Variants in NCAPD2 observed in about 807,000 individuals in gnomAD.
NCAPD2 encodes the protein non-SMC condensin I complex subunit D2, also known as condensin complex subunit 1.
NCAPD2 carries 100 observed loss-of-function variants against 164.5 expected under a neutral mutation model. The ratio of observed to expected loss-of-function variants is 0.61; its 90% CI spans 0.52 to 0.72. The LOEUF (loss-of-function observed/expected upper bound fraction) is 0.72. Among genes scored for constraint, NCAPD2 ranks in the 30% least tolerant of loss-of-function variants. NCAPD2 has a pLI of 0.00. For synonymous variants in NCAPD2, 585 were observed against 642.6 expected (o/e 0.91, Z 1.36); for missense variants, 1,560 against 1,749.2 (o/e 0.89, Z 1.93).
chr12:6,496,956 A>G (rs947794073), intron 2 of NCAPD2, among the ~76,000 whole-genome samples: 33 of 152,348 alleles, frequency 2.2e-4, no homozygotes, highest in African/African-American at 7.7e-4. Context: ...CAGCTGTATT[A>G]TATTTTTATG....
chr12:6,510,473 G>C (rs747704321), intron 4 of NCAPD2, 156 bp from the exon 5 acceptor site: 6 of 892,794 alleles, frequency 6.7e-6, no homozygotes, highest in African/African-American at 4.9e-5. Context: ...CAGGGTATCA[G>C]GGCCAAGGGT....
At chr12:6,515,938 TC>T (rs2137050729) in intron 9 of NCAPD2, among the ~76,000 whole-genome samples, 1 of 152,272 alleles carries the variant, frequency 6.6e-6, no homozygotes, top group East Asian at 1.9e-4. Flanking sequence ...ACGCCTGTAA[TC>T]CCAGCACTTT....
chr12:6,514,708 C>T (rs1433322097), intron 8 of NCAPD2, 65 bp from the exon 9 acceptor site: 2 of 1,606,458 alleles, frequency 1.2e-6, no homozygotes, highest in African/African-American at 1.3e-5. Flanking sequence ...CCTGTCTTAC[C>T]TTCCCTTACT....
intron 2 of NCAPD2, among the ~76,000 whole-genome samples, chr12:6,497,157 G>A (rs1945991712): frequency 6.6e-6 from 1 of 152,166 alleles, no homozygotes; most frequent in Non-Finnish European, 1.5e-5. Flanking sequence ...GTTGCCTAAT[G>A]GATGGCAAAC....
chr12:6,499,853 G>T (rs1455059438), intron 2 of NCAPD2, among the ~76,000 whole-genome samples: 2 of 152,134 alleles, frequency 1.3e-5, no homozygotes, highest in African/African-American at 4.8e-5. Flanking sequence ...AGGCGCAGTG[G>T]CTCACACCTG....
chr12:6,528,583 G>A lies in NCAPD2; in HGVS notation c.3300-96G>A. 7.2e-7 allele frequency: 1 copy of A among 1,391,294 alleles called. No individual in the cohort carries two copies. The highest frequency in any genetic ancestry group is 2.3e-5 in the East Asian group (1 of 43,452). 86.2% of individuals were successfully genotyped at this position (1,391,294 alleles called of 1,614,324 possible). A position where few individuals can be genotyped will look rare whatever the true frequency, so the allele number is the denominator to read the frequency against. On this transcript the variant is annotated intron_variant, in intron 25 of 31. Coordinates refer to ENST00000315579, the MANE Select transcript of NCAPD2 (RefSeq NM_014865.4). This position sits in a 1 kb window ranked among gnomAD's most constrained non-coding sequence, Gnocchi z 5.1. The stretch of plus-strand genomic sequence containing the variant: ...TTCTGACTGCTTCTGGAGTGGCAGA[G>A]CATGGGATAATTGATTCCTGCTGAG...
At chr12:6,524,665 A>AG (rs1274031983) in intron 17 of NCAPD2, among the ~76,000 whole-genome samples, 1 of 151,750 alleles carries the variant, frequency 6.6e-6, no homozygotes, top group Non-Finnish European at 1.5e-5. Flanking sequence ...AAAAAAAAAA[A>AG]AAAAAATCTG....
chr12:6,505,232 A>G (rs995863383), intron 2 of NCAPD2, among the ~76,000 whole-genome samples: 7 of 152,000 alleles, frequency 4.6e-5, no homozygotes, highest in Non-Finnish European at 5.9e-5. Flanking sequence ...ATGCCTGGCT[A>G]ATTTTGTATC....
chr12:6,513,411 G>T (rs1259147460), intron 6 of NCAPD2, among the ~76,000 whole-genome samples: 1 of 151,932 alleles, frequency 6.6e-6, no homozygotes, highest in Admixed American at 6.6e-5. Context: ...CATGGTGGAG[G>T]CTGAGGTGGG....
chr12:6,523,864 T>C (rs1317133171), intron 17 of NCAPD2, among the ~76,000 whole-genome samples: 1 of 152,206 alleles, frequency 6.6e-6, no homozygotes. Context: ...GATAATAAAG[T>C]GCCAGAATGA....
At chr12:6,500,521 A>G (rs555080473) in intron 2 of NCAPD2, among the ~76,000 whole-genome samples, 61 of 152,344 alleles carry the variant, frequency 4.0e-4, no homozygotes, top group Admixed American at 1.1e-3. Flanking sequence ...GGTACAGATT[A>G]TTCTAGAATC....
intron 3 of NCAPD2, 35 bp from the exon 4 acceptor site, chr12:6,510,040 T>C (rs574065617): frequency 5.6e-6 from 9 of 1,601,988 alleles, no homozygotes; most frequent in Admixed American, 1.7e-5. Flanking sequence ...GCAGGCTCCT[T>C]CCTGTCTCAC....
Position 6,529,935 on chromosome 12 carries a change from C to T in NCAPD2, c.3814C>T (p.Arg1272Cys), listed in dbSNP as rs765878757. 4.3e-6 allele frequency: 7 copies of T among 1,613,826 alleles called. No homozygotes were observed. The highest frequency in any genetic ancestry group is 1.7e-4 in the Middle Eastern group (1 of 6,060). Reference protein sequence around the residue: ...AFLSVVGKLRRGAKPEGKAII... With the variant: ...AFLSVVGKLRCGAKPEGKAII... ...TTTGTCAGTTGTAGGCAAGCTGCGA[C>T]GTGGGGCCAAGCCTGAGGGCAAGGT... The change falls in exon 29 of 32, where the codon CGT becomes TGT. Residue 1272 changes from arginine (R) to cysteine (C), a missense_variant. Transcript: ENST00000315579.
chr12:6,498,297 C>T (rs1946002945), intron 2 of NCAPD2, among the ~76,000 whole-genome samples: 1 of 152,152 alleles, frequency 6.6e-6, no homozygotes, highest in Admixed American at 6.5e-5. Flanking sequence ...AAGATCAAAT[C>T]ATTTAATTCA....
At chr12:6,508,101 C>G (rs1409479683) in intron 2 of NCAPD2, among the ~76,000 whole-genome samples, 1 of 152,116 alleles carries the variant, frequency 6.6e-6, no homozygotes, top group East Asian at 1.9e-4. Context: ...GAGGCCGAGG[C>G]AGGTGGATCA....
chr12:6,531,554 C>T lies in NCAPD2; in HGVS notation c.*142C>T. 2 of 1,502,638 alleles carry T rather than the reference C, an allele frequency of 1.3e-6. No individual in the cohort carries two copies. The highest frequency in any genetic ancestry group is 1.8e-6 in the Non-Finnish European group (2 of 1,125,210). The allele number at this position is 1,502,638 out of a possible 1,614,324, so 93.1% of individuals were successfully genotyped here. ...GGCACTGTGGCTCACGCCTGTAATC[C>T]CAGCACTTTGCGATACCAAGGCGGG... On this transcript the variant is annotated 3_prime_UTR_variant, in exon 32 of 32. Coordinates refer to ENST00000315579, the MANE Select transcript of NCAPD2 (RefSeq NM_014865.4). The surrounding 1 kb of genome is among the most constrained non-coding windows in gnomAD (Gnocchi z 4.1).
Position 6,522,881 on chromosome 12 carries a change from C to T in NCAPD2, c.2008C>T (p.Gln670Ter), listed in dbSNP as rs200624813. 112 of 1,614,028 alleles carry T rather than the reference C, an allele frequency of 6.9e-5. No homozygotes were observed. The highest frequency in any genetic ancestry group is 2.2e-4 in the Admixed American group (13 of 60,002). ...FVMVFQFGVP[Q>*]ALFGVRRMLP... Reference sequence around the variant, plus strand: ...GATGGTCTTCCAATTTGGGGTACCCCAGGCCCTGTTTGGGGTGCGCCGTAT... The same window carrying T: ...GATGGTCTTCCAATTTGGGGTACCCTAGGCCCTGTTTGGGGTGCGCCGTAT... The change falls in exon 16 of 32, where the codon CAG (glutamine) becomes TAG (stop). Residue 670 changes from glutamine to a stop codon, truncating the protein, a stop_gained. Transcript: ENST00000315579. LOFTEE classifies it high-confidence loss of function.
Position 6,523,269 on chromosome 12 carries a change from G to A in NCAPD2, c.2137G>A (p.Ala713Thr), listed in dbSNP as rs1280827123. 7.4e-6 allele frequency: 12 copies of A among 1,613,998 alleles called. No individual in the cohort carries two copies. Among genetic ancestry groups the A allele is most frequent in the African/African-American group, 6.7e-5 (5 of 74,900 alleles). Residue 713 changes from alanine (A) to threonine (T), a missense_variant, in exon 17 of 32, where the codon GCC (alanine) becomes ACC (threonine). Ala to Thr is a moderately conservative substitution (Grantham distance 58). Transcript: ENST00000315579. ...NPKGDSARAK[A>T]QALIQNLSLL... ...TCTCTGCTGTTCCCACAGAGCCAAG[G>A]CCCAGGCTTTGATTCAGAATCTCTC...
In NCAPD2 at chr12:6,510,227, A is replaced by G. The variant is rs150437014; in HGVS notation, c.262+94A>G. 1.3e-4 allele frequency: 173 copies of G among 1,308,140 alleles called. 2 individuals are homozygous for G. In the African/African-American group the frequency reaches 2.3e-3, roughly 17 times the overall value. 81.0% of individuals were successfully genotyped at this position (1,308,140 alleles called of 1,614,324 possible). On this transcript the variant is annotated intron_variant, in intron 4 of 31. Coordinates refer to ENST00000315579, the MANE Select transcript of NCAPD2 (RefSeq NM_014865.4). Reference sequence around the variant, plus strand: ...GTTTTTCCTACATTTTGTCAGCCACATGATGATATCAAGGCTGTTGTGATT... The same window carrying G: ...GTTTTTCCTACATTTTGTCAGCCACGTGATGATATCAAGGCTGTTGTGATT...
Sources: gnomAD v4.1 joint callset for allele counts (sites outside exome capture counted in the v4.1 genomes callset) on GRCh38, gnomAD v4.1.1 for gene constraint, Gnocchi (gnomAD v3.1) non-coding constraint, MANE v1.5 for transcripts, NCBI Gene and HGNC (gene_info 2026-07-23, HGNC 2026-07-21) for gene names.